Variants in OR8B3 observed in about 807,000 individuals in gnomAD.
The protein encoded by OR8B3 is olfactory receptor family 8 subfamily B member 3, also known as olfactory receptor 8B3.
For synonymous variants in OR8B3, 102 were observed against 135.4 expected (o/e 0.75, Z 1.71); for missense variants, 278 against 377.6 (o/e 0.74, Z 2.19).
rs765217177 is a variant in OR8B3, at chr11:124,397,030, CAAAA to C, written c.318_321del (p.Phe106LeufsTer9). ...GTCAACATGTAACATTCAGAGATGA[CAAAA>C]AAGAGAAAGAAAAACAGCTGAGTCA... On this transcript the variant is annotated frameshift_variant, in exon 2 of 2. Transcript: ENST00000641139. LOFTEE classifies it low-confidence loss of function (END_TRUNC). 108 of 1,613,504 alleles carry C rather than the reference CAAAA, an allele frequency of 6.7e-5. 1 individual carries two copies. The highest frequency in any genetic ancestry group is 2.9e-5 in the Non-Finnish European group (34 of 1,179,794).
chr11:124,403,606 A>G (rs1403934305), upstream of OR8B3, among the ~76,000 whole-genome samples: 2 of 149,930 alleles, frequency 1.3e-5, no homozygotes, highest in Non-Finnish European at 3.0e-5. Flanking sequence ...GCGGCCGGGA[A>G]GAGGCGCTCC....
chr11:124,401,222 C>CAGAGAGAGAGAGAGAGAGAG (rs3071311), upstream of OR8B3, among the ~76,000 whole-genome samples: 6,091 of 142,310 alleles, frequency 0.043, 256 homozygotes, highest in East Asian at 0.094. Flanking sequence ...TGCAAAGAGA[C>CAGAGAGAGAGAGAGAGAGAG]AGAGAGAGAG....
At chr11:124,399,465 A>C (rs1860954068), upstream of OR8B3, among the ~76,000 whole-genome samples, 1 of 152,204 alleles carries the variant, frequency 6.6e-6, no homozygotes, top group Non-Finnish European at 1.5e-5. Context: ...GGTTGCTCTA[A>C]CTCAACATGT....
chr11:124,396,449 C>T lies in OR8B3; in HGVS notation c.903G>A (p.Arg301=). The T allele has an allele frequency of 6.2e-7, 1 of 1,612,418 alleles. No homozygotes were observed. Among genetic ancestry groups the T allele is most frequent in the Non-Finnish European group, 8.5e-7 (1 of 1,179,646 alleles). ...TTCTCTGAATTTTAATCAGAGCTTT[C>T]CTCAGTGCAACTTTGACATCCTTGT... ...LRNKDVKVAL[R]KALIKIQRRN... is the part of the protein sequence containing the mutation. Residue 301 remains arginine (R), a synonymous_variant, in exon 2 of 2, where the codon AGG becomes AGA. Transcript: ENST00000641139.
At chr11:124,408,426 T>C in the OR8B3 span, among the ~76,000 whole-genome samples, 2 of 152,216 alleles carry the variant, frequency 1.3e-5, no homozygotes, top group African/African-American at 4.8e-5. Context: ...TTTTGCTAAA[T>C]TGAGAACATT....
chr11:124,401,471 G>A (rs1369352087), upstream of OR8B3, among the ~76,000 whole-genome samples: 1 of 152,174 alleles, frequency 6.6e-6, no homozygotes, highest in African/African-American at 2.4e-5. Context: ...AAAGTGGTAA[G>A]AGTTTTCAAT....
chr11:124,396,334 C>A lies in OR8B3; in HGVS notation c.*76G>T. ...TCACACATAACACCATCTGTAGAAA[C>A]AACAAAATCTCTTCATGGAACACAC... On this transcript the variant is annotated 3_prime_UTR_variant, in exon 2 of 2. Transcript: ENST00000641139. 1 of 1,245,050 alleles carries A rather than the reference C, an allele frequency of 8.0e-7. No homozygotes were observed. The highest frequency in any genetic ancestry group is 1.1e-6 in the Non-Finnish European group (1 of 906,804). 77.1% of individuals were successfully genotyped at this position (1,245,050 alleles called of 1,614,324 possible). A position where few individuals can be genotyped will look rare whatever the true frequency, so the allele number is the denominator to read the frequency against.
chr11:124,408,324 G>T, the OR8B3 span, among the ~76,000 whole-genome samples: 7 of 152,304 alleles, frequency 4.6e-5, no homozygotes, highest in South Asian at 6.2e-4. Context: ...AGAGGAGAGA[G>T]AATAATCTTA....
rs1445753846 is a variant in OR8B3 at position 124,396,790 on chromosome 11, A to G, written c.562T>C (p.Ser188Pro). Residue 188 changes from serine (S) to proline (P), a missense_variant, in exon 2 of 2, where the codon TCC (serine) becomes CCC (proline). Ser to Pro is a moderately conservative substitution (Grantham distance 74, BLOSUM62 -1). Transcript: ENST00000641139. ...LCDILPLLQL[S>P]CTSTYVNEVV... ...TCGTTGACATAGGTGCTGGTGCAGGAAAGCTGGAGGAGGGGGAGTATGTCA... is the reference window on the plus strand; with the variant it reads ...TCGTTGACATAGGTGCTGGTGCAGGGAAGCTGGAGGAGGGGGAGTATGTCA... 2 of 1,612,670 alleles carry G rather than the reference A, an allele frequency of 1.2e-6. No homozygotes were observed. The highest frequency in any genetic ancestry group is 2.7e-5 in the African/African-American group (2 of 74,824).
chr11:124,401,375 C>T (rs1398902648), upstream of OR8B3, among the ~76,000 whole-genome samples: 1 of 152,136 alleles, frequency 6.6e-6, no homozygotes, highest in Non-Finnish European at 1.5e-5. Flanking sequence ...AATACTGCTA[C>T]AATGGCAATT....
At chr11:124,403,233 G>T (rs569738387), upstream of OR8B3, among the ~76,000 whole-genome samples, 117 of 152,192 alleles carry the variant, frequency 7.7e-4, no homozygotes, top group Non-Finnish European at 1.5e-3. Flanking sequence ...ACTTCTTTCT[G>T]CACAGACACA....
At chr11:124,405,424 T>A in the OR8B3 span, among the ~76,000 whole-genome samples, 1 of 152,290 alleles carries the variant, frequency 6.6e-6, no homozygotes, top group Non-Finnish European at 1.5e-5. Context: ...TCCCCTAGAA[T>A]CTTTGATTTA....
At chr11:124,408,564 T>G in the OR8B3 span, among the ~76,000 whole-genome samples, 1 of 152,154 alleles carries the variant, frequency 6.6e-6, no homozygotes, top group South Asian at 2.1e-4. Context: ...TGAAGAAATC[T>G]GTCTAAGAAA....
At chr11:124,400,220 T>C (rs1860969907), upstream of OR8B3, among the ~76,000 whole-genome samples, 1 of 152,190 alleles carries the variant, frequency 6.6e-6, no homozygotes, top group South Asian at 2.1e-4. Context: ...TTATTAGTAA[T>C]TATTATATGT....
At chr11:124,403,282 C>T (rs1167253224), upstream of OR8B3, among the ~76,000 whole-genome samples, 1 of 152,258 alleles carries the variant, frequency 6.6e-6, no homozygotes, top group Non-Finnish European at 1.5e-5. Flanking sequence ...CCACATTTCC[C>T]CCTTTTCTAT....
chr11:124,396,476 C>T lies in OR8B3; in HGVS notation c.876G>A (p.Arg292=), dbSNP rs751440592. The T allele has an allele frequency of 3.7e-6, 6 of 1,613,842 alleles. No homozygotes were observed. Among genetic ancestry groups the T allele is most frequent in the Admixed American group, 3.3e-5 (2 of 59,958 alleles). The change falls in exon 2 of 2, where the codon AGG becomes AGA. Residue 292 remains arginine, a synonymous_variant. Coordinates refer to ENST00000641139, the MANE Select transcript of OR8B3 (RefSeq NM_001005467.2). ...TCAGTGCAACTTTGACATCCTTGTT[C>T]CTCAAACTGTAGATGAGAGGATTGA... is the stretch of plus-strand genomic sequence containing the variant. ...PMLNPLIYSL[R]NKDVKVALRK...
chr11:124,403,120 A>G (rs1861022882), upstream of OR8B3, among the ~76,000 whole-genome samples: 1 of 152,256 alleles, frequency 6.6e-6, no homozygotes, highest in South Asian at 2.1e-4. Context: ...GACACAGCAC[A>G]TGTTTCAGAG....
chr11:124,404,503 T>A, the OR8B3 span: 1 of 152,226 alleles, frequency 6.6e-6, no homozygotes, highest in African/African-American at 2.4e-5. Flanking sequence ...AAACATATTA[T>A]AATATGTAAC....
At chr11:124,404,369 G>A in the OR8B3 span, 5 of 152,128 alleles carry the variant, frequency 3.3e-5, no homozygotes, top group Non-Finnish European at 7.3e-5. Context: ...AACCATTTGA[G>A]AAGTAGAAAT....
Sources: allele counts gnomAD v4.1 joint callset (sites outside exome capture counted in the v4.1 genomes callset), GRCh38; gene constraint gnomAD v4.1.1; transcripts MANE v1.5; gene names NCBI Gene and HGNC (gene_info 2026-07-23, HGNC 2026-07-21).